Variants in EIF2AK3 observed in about 807,000 individuals in gnomAD.
EIF2AK3 encodes eukaryotic translation initiation factor 2 alpha kinase 3, also known as eukaryotic translation initiation factor 2-alpha kinase 3.
EIF2AK3 carries 50 observed loss-of-function variants against 113.5 expected under a neutral mutation model. The observed-to-expected ratio is 0.44, with a 90% CI of 0.35 to 0.56. The LOEUF (loss-of-function observed/expected upper bound fraction) is 0.56. Ranked by LOEUF, EIF2AK3 falls within the 20% of genes least tolerant of loss-of-function variation. EIF2AK3 has a pLI of 0.00. For synonymous variants in EIF2AK3, 448 were observed against 495.4 expected, an observed-to-expected ratio of 0.90 and a Z score of 1.27; for missense variants, 1,185 against 1,378.0, an observed-to-expected ratio of 0.86 and a Z score of 2.22.
chr2:88,558,011 C>A, intron 16 of EIF2AK3, 75 bp from the exon 17 acceptor site: 2 of 1,409,676 alleles, frequency 1.4e-6, no homozygotes, highest in South Asian at 1.2e-5. Context: ...TCAGTGCTGG[C>A]AAAATATTTC....
At chr2:88,600,974 A>T (rs1001002638) in intron 2 of EIF2AK3, among the ~76,000 whole-genome samples, 4 of 152,234 alleles carry the variant, frequency 2.6e-5, no homozygotes, top group Non-Finnish European at 5.9e-5. Context: ...TGTGGAGATT[A>T]ATAAATCCCC....
At position 88,591,028 on chromosome 2, in the gene EIF2AK3, A is replaced by G; in HGVS notation, c.792T>C (p.Phe264=). 1 of 1,614,110 alleles carries G rather than the reference A, an allele frequency of 6.2e-7. No homozygotes were observed. Among genetic ancestry groups the G allele is most frequent in the Non-Finnish European group, 8.5e-7 (1 of 1,179,974 alleles). The change falls in exon 5 of 17, where the codon TTT becomes TTC. Residue 264 remains phenylalanine (F), a synonymous_variant. Transcript: ENST00000303236. ...CCATGTCTGGAATATACCGAAGTTC[A>G]AAGTGGCCAACACTGAAATTCCACC... The part of the protein sequence containing the change: ...NEKWNFSVGH[F]ELRYIPDMET...
intron 12 of EIF2AK3, 180 bp from the exon 13 acceptor site, chr2:88,575,626 A>T: frequency 1.4e-6 from 1 of 698,780 alleles, no homozygotes; most frequent in South Asian, 1.7e-5. Flanking sequence ...CATTCCATTC[A>T]TTCCTTCTAA....
intron 10 of EIF2AK3, among the ~76,000 whole-genome samples, chr2:88,581,729 T>A (rs1022125353): frequency 5.9e-5 from 9 of 152,240 alleles, no homozygotes; most frequent in Non-Finnish European, 2.9e-5. Flanking sequence ...TATATTAGTA[T>A]TTTTATTAGC....
intron 1 of EIF2AK3, among the ~76,000 whole-genome samples, chr2:88,618,958 G>C (rs562760483): frequency 1.3e-5 from 2 of 151,108 alleles, no homozygotes; most frequent in African/African-American, 4.9e-5. Context: ...TTCTTTCCTG[G>C]TTTCTACAGG....
At chr2:88,575,667 ATGAAACAGTTACC>A (rs755446117) in intron 12 of EIF2AK3, 2 of 574,380 alleles carry the variant, frequency 3.5e-6, no homozygotes, top group Non-Finnish European at 6.2e-6. Context: ...AATTTTATAC[ATGAAACAGTTACC>A]TGGGACTGTC....
chr2:88,573,285 G>A (rs536351605), intron 13 of EIF2AK3, among the ~76,000 whole-genome samples: 2 of 152,188 alleles, frequency 1.3e-5, no homozygotes, highest in African/African-American at 4.8e-5. Context: ...AGACAACATT[G>A]TAGCATTAAA....
rs1043086018 is a variant in EIF2AK3, at chr2:88,588,912, C to G, written c.1166-11G>C. 2 of 1,613,022 alleles carry G rather than the reference C, an allele frequency of 1.2e-6. No homozygotes were observed. The highest frequency in any genetic ancestry group is 1.3e-5 in the African/African-American group (1 of 75,018). On this transcript the variant is annotated splice_polypyrimidine_tract_variant and intron_variant, in intron 6 of 16. Coordinates refer to ENST00000303236, the MANE Select transcript of EIF2AK3 (RefSeq NM_004836.7). ...GGCCTCTATACATTCCTGAATCAAC[C>G]AGAACATTGTCAATTATGCATTGAT...
intron 2 of EIF2AK3, among the ~76,000 whole-genome samples, chr2:88,612,761 C>G (rs1675486971): frequency 1.3e-5 from 2 of 152,072 alleles, no homozygotes; most frequent in Non-Finnish European, 1.5e-5. Context: ...TTCTCAAACC[C>G]CTCATGTACG....
In EIF2AK3 at chr2:88,588,890, C is replaced by T. The variant is rs1674809652; in HGVS notation, c.1177G>A (p.Gly393Ser). 1 of 1,613,686 alleles carries T rather than the reference C, an allele frequency of 6.2e-7. No homozygotes were observed. The highest frequency in any genetic ancestry group is 2.2e-5 in the East Asian group (1 of 44,806). The change falls in exon 7 of 17, where the codon GGC becomes AGC. Residue 393 changes from glycine (G) to serine (S), a missense_variant. Transcript: ENST00000303236. ...ACTGATGACTGCAGATACAGCTGGC[C>T]TCTATACATTCCTGAATCAACCAGA... is the stretch of plus-strand genomic sequence containing the variant. ...ENSVYLGMYR[G>S]QLYLQSSVRI...
At chr2:88,581,256 G>A (rs1240706248) in intron 10 of EIF2AK3, among the ~76,000 whole-genome samples, 2 of 145,330 alleles carry the variant, frequency 1.4e-5, no homozygotes, top group African/African-American at 2.5e-5. Flanking sequence ...TCTTCATATT[G>A]AATAAAGTTA....
At chr2:88,571,088 C>G (rs202189350) in intron 13 of EIF2AK3, 47 bp from the exon 14 acceptor site, 1 of 1,591,474 alleles carries the variant, frequency 6.3e-7, no homozygotes, top group East Asian at 2.2e-5. Flanking sequence ...TGCATGGAGG[C>G]GAAAAAGTAA....
At chr2:88,559,924 A>G (rs1419695868) in intron 15 of EIF2AK3, among the ~76,000 whole-genome samples, 1 of 152,186 alleles carries the variant, frequency 6.6e-6, no homozygotes, top group Non-Finnish European at 1.5e-5. Flanking sequence ...ACAGTTGTAT[A>G]CAAGCTTTTG....
intron 2 of EIF2AK3, among the ~76,000 whole-genome samples, chr2:88,601,834 C>CTTTTTTTTTTTT (rs59987968): frequency 1.1e-4 from 8 of 74,858 alleles, no homozygotes; most frequent in Non-Finnish European, 1.7e-4. Flanking sequence ...TAAGATTTTT[C>CTTTTTTTTTTTT]TTTTTTTTTT....
chr2:88,589,879 G>A (rs1000041478), intron 6 of EIF2AK3, among the ~76,000 whole-genome samples: 5 of 151,980 alleles, frequency 3.3e-5, no homozygotes, highest in African/African-American at 1.2e-4. Context: ...GTTATATAAT[G>A]AGAATATTTC....
intron 13 of EIF2AK3, among the ~76,000 whole-genome samples, chr2:88,573,004 AAT>A (rs1211418118): frequency 6.6e-6 from 1 of 152,158 alleles, no homozygotes; most frequent in Non-Finnish European, 1.5e-5. Flanking sequence ...ATGTGACCAA[AAT>A]ATAACAGGGG....
At chr2:88,627,770 G>C (rs1485835395), upstream of EIF2AK3, 1 of 153,878 alleles carries the variant, frequency 6.5e-6, no homozygotes, top group Admixed American at 6.5e-5. Context: ...GCCCCACAAA[G>C]CGAGGCGCTG....
intron 2 of EIF2AK3, among the ~76,000 whole-genome samples, chr2:88,600,448 G>A (rs1177488875): frequency 1.3e-5 from 2 of 152,066 alleles, no homozygotes; most frequent in East Asian, 1.9e-4. Flanking sequence ...GTTCTGATTC[G>A]CTGCTCTGCA....
intron 1 of EIF2AK3, among the ~76,000 whole-genome samples, chr2:88,623,600 G>A (rs929503438): frequency 2.6e-5 from 4 of 152,064 alleles, no homozygotes; most frequent in Admixed American, 6.6e-5. Context: ...CATAGTAAAC[G>A]CTTGGTTAAT....
Sources: allele counts gnomAD v4.1 joint callset (sites outside exome capture counted in the v4.1 genomes callset), GRCh38; gene constraint gnomAD v4.1.1; transcripts MANE v1.5; gene names NCBI Gene and HGNC (gene_info 2026-07-23, HGNC 2026-07-21).